The following ZNF629 variants were observed in gnomAD, a reference collection of about 807,000 sequenced individuals.
The protein encoded by ZNF629 is DNA-binding protein.
A neutral mutation model predicts 59.7 loss-of-function variants in ZNF629; 9 were observed. The ratio of observed to expected loss-of-function variants is 0.15; its 90% CI spans 0.09 to 0.26. The LOEUF (loss-of-function observed/expected upper bound fraction) is 0.26. Among genes scored for constraint, ZNF629 ranks in the 10% least tolerant of loss-of-function variants. The probability of loss-of-function intolerance (pLI) is 1.00; values close to 1 mark genes in which losing one functional copy is unlikely to be tolerated. For synonymous variants in ZNF629, 509 were observed against 498.9 expected, an observed-to-expected ratio of 1.02 and a Z score of -0.27; for missense variants, 853 against 1,165.4, an observed-to-expected ratio of 0.73 and a Z score of 3.90.
chr16:30,787,003 G>C (rs2054340311), intron 1 of ZNF629, 25 bp downstream of exon 1: 1 of 152,364 alleles, frequency 6.6e-6, no homozygotes, highest in African/African-American at 2.4e-5. Context: ...GCCACCCCCC[G>C]GGAACCCAGG....
rs1233023285 is a variant in ZNF629 at position 30,783,913 on chromosome 16, C to T, written c.415G>A (p.Val139Met). ...PANEPSLRELVQGRPAGAEKP... is the reference protein window; with the variant it reads ...PANEPSLRELMQGRPAGAEKP... Reference sequence around the variant, plus strand: ...TCCGCCCCCGCCGGGCGGCCCTGCACCAGCTCCCGCAGGCTGGGCTCGTTG... The same window carrying T: ...TCCGCCCCCGCCGGGCGGCCCTGCATCAGCTCCCGCAGGCTGGGCTCGTTG... Residue 139 changes from valine to methionine, a missense_variant, in exon 3 of 3, where the codon GTG (valine) becomes ATG (methionine). Around this residue, in one of 3 missense-constraint regions of ZNF629, gnomAD observed 232 missense variants for 193.4 expected, o/e 1.20. Transcript: ENST00000262525. The T allele has an allele frequency of 2.5e-6, 4 of 1,595,554 alleles. No homozygotes were observed. In the South Asian group the frequency reaches 4.5e-5, roughly 18 times the overall value.
chr16:30,778,864 G>A lies in ZNF629; in HGVS notation c.*2854C>T, dbSNP rs1403607437. 1 of 152,658 alleles carries A rather than the reference G, an allele frequency of 6.6e-6. No homozygotes were observed. The highest frequency in any genetic ancestry group is 2.4e-5 in the African/African-American group (1 of 41,422). 9.5% of individuals were successfully genotyped at this position (152,658 alleles called of 1,614,324 possible). A position where few individuals can be genotyped will look rare whatever the true frequency, so the allele number is the denominator to read the frequency against. Reference sequence around the variant, plus strand: ...GGCCTGCATGTGATTGGACAAGAGGGTTTGGCTGCACAGTGCCTTCCAGAC... The same window carrying A: ...GGCCTGCATGTGATTGGACAAGAGGATTTGGCTGCACAGTGCCTTCCAGAC... On this transcript the variant is annotated 3_prime_UTR_variant, in exon 3 of 3. Coordinates refer to ENST00000262525, the MANE Select transcript of ZNF629 (RefSeq NM_001080417.3).
chr16:30,783,523 G>T lies in ZNF629; in HGVS notation c.805C>A (p.Arg269=), dbSNP rs201623040. Residue 269 remains arginine (R), a synonymous_variant, in exon 3 of 3, where the codon CGG becomes AGG. Coordinates refer to ENST00000262525, the MANE Select transcript of ZNF629 (RefSeq NM_001080417.3). ...AGGTCCGAGCTGCGGTAGAAAGCCC[G>T]GCGGCACTCGCCGCACTTGTAGGGC... is the stretch of plus-strand genomic sequence containing the variant. ...EKPYKCGECR[R]AFYRSSDLIQ... 1 of 1,611,056 alleles carries T rather than the reference G, an allele frequency of 6.2e-7. No individual in the cohort carries two copies. The highest frequency in any genetic ancestry group is 8.5e-7 in the Non-Finnish European group (1 of 1,179,070).
Position 30,782,860 on chromosome 16 carries a change from C to G in ZNF629, c.1468G>C (p.Glu490Gln). ...CTCTGGCTGAAGCTCTTGCCGCACT[C>G]GGGGCACTTGTAGGGCTTCTCGCCG... ...HTGEKPYKCP[E>Q]CGKSFSQSSN... The change falls in exon 3 of 3, where the codon GAG becomes CAG. Residue 490 changes from glutamate to glutamine, a missense_variant. This residue lies in a region of ZNF629 where 201 missense variants were observed against 536.5 expected (regional missense o/e 0.37). Transcript: ENST00000262525. 1 of 1,614,200 alleles carries G rather than the reference C, an allele frequency of 6.2e-7. No individual in the cohort carries two copies. Among genetic ancestry groups the G allele is most frequent in the Non-Finnish European group, 8.5e-7 (1 of 1,180,032 alleles).
rs996781455 is a variant in ZNF629, at chr16:30,779,029, T to C, written c.*2689A>G. 2 of 152,260 alleles carry C rather than the reference T, an allele frequency of 1.3e-5. No individual in the cohort carries two copies. The highest frequency in any genetic ancestry group is 2.9e-5 in the Non-Finnish European group (2 of 68,106). 9.4% of individuals were successfully genotyped at this position (152,260 alleles called of 1,614,324 possible). On this transcript the variant is annotated 3_prime_UTR_variant, in exon 3 of 3. Transcript: ENST00000262525. The stretch of plus-strand genomic sequence containing the variant: ...GAGGGAAGCTCCTGGTTAAAGGAGC[T>C]TGGGGAGGTGGGCAAGAGAGAACAC...
chr16:30,784,020 G>A lies in ZNF629; in HGVS notation c.308C>T (p.Pro103Leu), dbSNP rs764569941. ...CTCGCAGGCCTTGGTCCAGTCAGAT[G>A]GGGTAGGGACTACCTCCGGGGCTGG... is the stretch of plus-strand genomic sequence containing the variant. ...DPPAPEVVPT[P>L]SDWTKACEAS... Residue 103 changes from proline to leucine, a missense_variant, in exon 3 of 3, where the codon CCA becomes CTA. Physicochemically the swap from Pro to Leu is moderately conservative, Grantham distance 98 (BLOSUM62 -3). This residue lies in a region of ZNF629 where 232 missense variants were observed against 193.4 expected (regional missense o/e 1.20). Coordinates refer to ENST00000262525, the MANE Select transcript of ZNF629 (RefSeq NM_001080417.3). 6.3e-7 allele frequency: 1 copy of A among 1,575,336 alleles called. No individual in the cohort carries two copies. The highest frequency in any genetic ancestry group is 1.2e-5 in the South Asian group (1 of 85,296).
chr16:30,783,011 G>A lies in ZNF629; in HGVS notation c.1317C>T (p.Phe439=), dbSNP rs933999230. The change falls in exon 3 of 3, where the codon TTC becomes TTT. Residue 439 remains phenylalanine, a synonymous_variant. Transcript: ENST00000262525. The stretch of plus-strand genomic sequence containing the variant: ...GGCGGATAAGGGTGGAGCTCATGAT[G>A]AAGCTCTTGCCGCAGTCGGCGCAGA... ...PYICADCGKS[F]IMSSTLIRHQ... 3 of 1,614,094 alleles carry A rather than the reference G, an allele frequency of 1.9e-6. No homozygotes were observed. Among genetic ancestry groups the A allele is most frequent in the Non-Finnish European group, 2.5e-6 (3 of 1,180,040 alleles).
chr16:30,783,199 G>A lies in ZNF629; in HGVS notation c.1129C>T (p.Pro377Ser), dbSNP rs2054299990. The A allele has an allele frequency of 3.1e-6, 5 of 1,611,260 alleles. No homozygotes were observed. The highest frequency in any genetic ancestry group is 4.2e-6 in the Non-Finnish European group (5 of 1,179,228). ...THLREDPFKCPVCGKTFTLSA... is the reference protein window; with the variant it reads ...THLREDPFKCSVCGKTFTLSA... ...AGGGTGAAGGTCTTGCCGCACACTG[G>A]GCACTTGAACGGGTCCTCGCGCAGG... Residue 377 changes from proline to serine, a missense_variant, in exon 3 of 3, where the codon CCA becomes TCA. Pro to Ser is a moderately conservative substitution (Grantham distance 74, BLOSUM62 -1). Coordinates refer to ENST00000262525, the MANE Select transcript of ZNF629 (RefSeq NM_001080417.3).
rs1305386078 is a variant in ZNF629 at position 30,783,641 on chromosome 16, C to T, written c.687G>A (p.Thr229=). ...CCGTGCACTTGTAGGGCTTCTCTCC[C>T]GTGTGCGTGCGCTGGTGCTGCACCA... ...SNLVQHQRTH[T]GEKPYKCTEC... is the part of the protein sequence containing the mutation. The change falls in exon 3 of 3, where the codon ACG becomes ACA. Residue 229 remains threonine (T), a synonymous_variant. Coordinates refer to ENST00000262525, the MANE Select transcript of ZNF629 (RefSeq NM_001080417.3). 1 of 1,609,870 alleles carries T rather than the reference C, an allele frequency of 6.2e-7. No homozygotes were observed. The highest frequency in any genetic ancestry group is 8.5e-7 in the Non-Finnish European group (1 of 1,178,648).
Position 30,781,821 on chromosome 16 carries a change from A to G in ZNF629, c.2507T>C (p.Leu836Pro). 1 of 1,605,716 alleles carries G rather than the reference A, an allele frequency of 6.2e-7. No homozygotes were observed. The highest frequency in any genetic ancestry group is 2.2e-5 in the East Asian group (1 of 44,582). The part of the protein sequence containing the change: ...SHGEGQNPKT[L>P]VEEKPYLCPE... ...GCACAGATAGGGCTTTTCTTCCACT[A>G]GGGTTTTGGGGTTTTGCCCTTCCCC... Residue 836 changes from leucine (L) to proline (P), a missense_variant, in exon 3 of 3, where the codon CTA becomes CCA. By Grantham distance (98) the Leu-to-Pro change is moderately conservative (BLOSUM62 -3). Coordinates refer to ENST00000262525, the MANE Select transcript of ZNF629 (RefSeq NM_001080417.3).
rs4617878 is a variant in ZNF629 at position 30,780,142 on chromosome 16, T to C, written c.*1576A>G. The C allele has an allele frequency of 0.97, 147,613 of 152,720 alleles. 71,493 individuals are homozygous for C. The highest frequency in any genetic ancestry group is 1 in the Middle Eastern group (298 of 298). The allele number at this position is 152,720 out of a possible 1,614,324, so 9.5% of individuals were successfully genotyped here. A position where few individuals can be genotyped will look rare whatever the true frequency, so the allele number is the denominator to read the frequency against. On this transcript the variant is annotated 3_prime_UTR_variant, in exon 3 of 3. Transcript: ENST00000262525. ...CTGTTTCCTTCTGAAGGTTTCTGGC[T>C]AAGGAGGAGAGGGGAGCCAAGTGAG...
rs1275290695 is a variant in ZNF629, at chr16:30,784,126, G to C, written c.202C>G (p.Gln68Glu). ...GGGTTCTGGGGGACAGAGGGGTCCT[G>C]GGAGGATCTCTCCAGGGACATCTCT... ...STEMSLERSS[Q>E]DPSVPQNPPT... The change falls in exon 3 of 3, where the codon CAG becomes GAG. Residue 68 changes from glutamine (Q) to glutamate (E), a missense_variant. Gln to Glu is a conservative substitution (Grantham distance 29, BLOSUM62 2). Around this residue, in one of 3 missense-constraint regions of ZNF629, gnomAD observed 232 missense variants for 193.4 expected, o/e 1.20. Transcript: ENST00000262525. 8 of 1,609,186 alleles carry C rather than the reference G, an allele frequency of 5.0e-6. No homozygotes were observed. The highest frequency in any genetic ancestry group is 6.8e-6 in the Non-Finnish European group (8 of 1,179,038).
Position 30,783,713 on chromosome 16 carries a change from G to C in ZNF629, c.615C>G (p.Pro205=), listed in dbSNP as rs1404971149. Reference sequence around the variant, plus strand: ...ACTTGCCGCAGTCGGGGCACTTGTAGGGCTTCTCGCCGGTGTGCGTGCGCT... The same window carrying C: ...ACTTGCCGCAGTCGGGGCACTTGTACGGCTTCTCGCCGGTGTGCGTGCGCT... ...QHQRTHTGEK[P]YKCPDCGKCF... The change falls in exon 3 of 3, where the codon CCC becomes CCG. Residue 205 remains proline (P), a synonymous_variant. Coordinates refer to ENST00000262525, the MANE Select transcript of ZNF629 (RefSeq NM_001080417.3). 1 of 1,613,738 alleles carries C rather than the reference G, an allele frequency of 6.2e-7. No homozygotes were observed. Among genetic ancestry groups the C allele is most frequent in the Non-Finnish European group, 8.5e-7 (1 of 1,179,836 alleles).
chr16:30,783,842 C>G lies in ZNF629; in HGVS notation c.486G>C (p.Trp162Cys). 1 of 1,610,510 alleles carries G rather than the reference C, an allele frequency of 6.2e-7. No individual in the cohort carries two copies. Among genetic ancestry groups the G allele is most frequent in the South Asian group, 1.1e-5 (1 of 90,720 alleles). The change falls in exon 3 of 3, where the codon TGG becomes TGC. Residue 162 changes from tryptophan to cysteine, a missense_variant. By Grantham distance (215) the Trp-to-Cys change is radical. This residue lies in a region of ZNF629 where 201 missense variants were observed against 536.5 expected (regional missense o/e 0.37). Coordinates refer to ENST00000262525, the MANE Select transcript of ZNF629 (RefSeq NM_001080417.3). ...CNECGKSFSQ[W>C]SKLLRHQRIH... ...TGCGCTGGTGCCGCAGCAGCTTGGA[C>G]CACTGGCTGAAGCTCTTGCCGCACT...
Position 30,781,435 on chromosome 16 carries a change from G to T in ZNF629, c.*283C>A. 3.4e-6 allele frequency: 1 copy of T among 294,180 alleles called. No homozygotes were observed. Among genetic ancestry groups the T allele is most frequent in the African/African-American group, 2.2e-5 (1 of 46,130 alleles). The allele number at this position is 294,180 out of a possible 1,614,324, so 18.2% of individuals were successfully genotyped here. A position where few individuals can be genotyped will look rare whatever the true frequency, so the allele number is the denominator to read the frequency against. On this transcript the variant is annotated 3_prime_UTR_variant, in exon 3 of 3. Transcript: ENST00000262525. ...GGGCTTTTATCCACTATGGTTTATA[G>T]GGTTTTTCTGCTACAGACTTAAAGG...
Position 30,784,158 on chromosome 16 carries a change from T to A in ZNF629, c.170A>T (p.Asp57Val), listed in dbSNP as rs1232749267. 6.2e-7 allele frequency: 1 copy of A among 1,609,680 alleles called. No individual in the cohort carries two copies. Among genetic ancestry groups the A allele is most frequent in the South Asian group, 1.1e-5 (1 of 90,456 alleles). ...GDPAQSPESK[D>V]STEMSLERSS... ...TCTCTCCAGGGACATCTCTGTTGAG[T>A]CCTTGGATTCTGGACTCTGAGCCGG... is the stretch of plus-strand genomic sequence containing the variant. Residue 57 changes from aspartate to valine, a missense_variant, in exon 3 of 3, where the codon GAC becomes GTC. This residue lies in a region of ZNF629 where 232 missense variants were observed against 193.4 expected (regional missense o/e 1.20). Transcript: ENST00000262525.
In ZNF629 at chr16:30,782,173, A is replaced by G. The variant is rs776277348; in HGVS notation, c.2155T>C (p.Cys719Arg). 22 of 1,613,498 alleles carry G rather than the reference A, an allele frequency of 1.4e-5. No homozygotes were observed. The South Asian group carries it at 2.2e-4, about 16-fold the overall frequency. The change falls in exon 3 of 3, where the codon TGC becomes CGC. Residue 719 changes from cysteine to arginine, a missense_variant. This residue lies in a region of ZNF629 where 420 missense variants were observed against 435.6 expected (regional missense o/e 0.96). Transcript: ENST00000262525. ...GAGCTGAGGCCAAAGCTTTGTTTGCATTCAGGGCATTTAAAGGGCTTCCCA... is the reference window on the plus strand; with the variant it reads ...GAGCTGAGGCCAAAGCTTTGTTTGCGTTCAGGGCATTTAAAGGGCTTCCCA... ...LSGKPFKCPE[C>R]KQSFGLSSEL...
intron 1 of ZNF629, among the ~76,000 whole-genome samples, chr16:30,784,901 A>G (rs1356454089): frequency 6.6e-6 from 1 of 152,134 alleles, no homozygotes; most frequent in East Asian, 1.9e-4. Context: ...GAAGCTCATT[A>G]AGACTCTAAT....
At position 30,782,307 on chromosome 16, in the gene ZNF629, C is replaced by T. The variant is rs756702231; in HGVS notation, c.2021G>A (p.Arg674His). The change falls in exon 3 of 3, where the codon CGC becomes CAC. Residue 674 changes from arginine (R) to histidine (H), a missense_variant. Coordinates refer to ENST00000262525, the MANE Select transcript of ZNF629 (RefSeq NM_001080417.3). ...GAGCTGATGCTGGAGGAGCACAGAGCGATCCAGGAAGCTCTCTCCGCAGTG... is the reference window on the plus strand; with the variant it reads ...GAGCTGATGCTGGAGGAGCACAGAGTGATCCAGGAAGCTCTCTCCGCAGTG... ...CSHCGESFLDRSVLLQHQLTH... is the reference protein window; with the variant it reads ...CSHCGESFLDHSVLLQHQLTH... 7 of 1,610,436 alleles carry T rather than the reference C, an allele frequency of 4.3e-6. No homozygotes were observed. The highest frequency in any genetic ancestry group is 5.9e-6 in the Non-Finnish European group (7 of 1,178,300).
Sources: gnomAD v4.1 joint callset for allele counts (sites outside exome capture counted in the v4.1 genomes callset) on GRCh38, gnomAD v4.1.1 for gene constraint, gnomAD v4.1.1 regional missense constraint, MANE v1.5 for transcripts, NCBI Gene and HGNC (gene_info 2026-07-23, HGNC 2026-07-21) for gene names.